Variants in VWC2 observed in about 807,000 individuals in gnomAD.
The protein encoded by VWC2 is von Willebrand factor C domain containing 2.
VWC2 carries 14 observed loss-of-function variants against 29.8 expected under a neutral mutation model. The ratio of observed to expected loss-of-function variants is 0.47; its 90% CI spans 0.31 to 0.74. The LOEUF (loss-of-function observed/expected upper bound fraction) is 0.74, where lower values mean the gene tolerates loss of function less well. Among genes scored for constraint, VWC2 ranks in the 30% least tolerant of loss-of-function variants. The probability of loss-of-function intolerance (pLI) is 0.05; values close to 1 mark genes in which losing one functional copy is unlikely to be tolerated. For synonymous variants in VWC2, 213 were observed against 199.0 expected, an observed-to-expected ratio of 1.07 and a Z score of -0.59; for missense variants, 457 against 459.8, an observed-to-expected ratio of 0.99 and a Z score of 0.05.
intron 3 of VWC2, among the ~76,000 whole-genome samples, chr7:49,902,363 A>G (rs1583795580): frequency 6.6e-6 from 1 of 152,220 alleles, no homozygotes; most frequent in East Asian, 1.9e-4. Context: ...CCCATTTAAA[A>G]TCTATTGTAT....
intron 3 of VWC2, among the ~76,000 whole-genome samples, chr7:49,859,658 A>C (rs1231733823): frequency 6.6e-6 from 1 of 152,206 alleles, no homozygotes; most frequent in African/African-American, 2.4e-5. Flanking sequence ...TGTGCTCTCT[A>C]AAGTGCTATA....
chr7:49,799,208 G>A (rs148434555), intron 2 of VWC2, among the ~76,000 whole-genome samples: 1 of 152,352 alleles, frequency 6.6e-6, no homozygotes, highest in African/African-American at 2.4e-5. Flanking sequence ...AGATGGTGAG[G>A]CAAGAAGGTT....
At chr7:49,810,798 G>C (rs1186906392) in intron 3 of VWC2, among the ~76,000 whole-genome samples, 1 of 152,068 alleles carries the variant, frequency 6.6e-6, no homozygotes, top group Non-Finnish European at 1.5e-5. Context: ...AAATGGTGCA[G>C]GGACAATTAT....
intron 3 of VWC2, among the ~76,000 whole-genome samples, chr7:49,822,980 C>T (rs2128709823): frequency 6.6e-6 from 1 of 152,246 alleles, no homozygotes; most frequent in East Asian, 1.9e-4. Context: ...CATGGATAAG[C>T]CCTTGTGTAG....
intron 3 of VWC2, among the ~76,000 whole-genome samples, chr7:49,813,891 A>G (rs373114362): frequency 6.6e-6 from 1 of 152,252 alleles, no homozygotes; most frequent in South Asian, 2.1e-4. Flanking sequence ...AGCATTAGCT[A>G]CAATATTTAG....
chr7:49,888,882 G>A (rs1792012434), intron 3 of VWC2, among the ~76,000 whole-genome samples: 1 of 152,082 alleles, frequency 6.6e-6, no homozygotes, highest in Non-Finnish European at 1.5e-5. Context: ...TCACAGTCTA[G>A]CCTGGGGGAC....
chr7:49,907,548 A>ATT (rs1793172327), intron 3 of VWC2, among the ~76,000 whole-genome samples: 1 of 152,236 alleles, frequency 6.6e-6, no homozygotes. Context: ...AAAGAGATTT[A>ATT]TTCTGAGCCA....
At chr7:49,842,019 AC>A (rs1562726286) in intron 3 of VWC2, among the ~76,000 whole-genome samples, 2 of 152,108 alleles carry the variant, frequency 1.3e-5, no homozygotes, top group Non-Finnish European at 2.9e-5. Context: ...GGTGCTCGCC[AC>A]CACGCCCAGC....
At chr7:49,804,884 T>A (rs1219138471) in intron 3 of VWC2, among the ~76,000 whole-genome samples, 1 of 152,236 alleles carries the variant, frequency 6.6e-6, no homozygotes, top group Admixed American at 6.5e-5. Context: ...ACAAATTCTA[T>A]TGAGACTACC....
chr7:49,871,011 A>C (rs1379703083), intron 3 of VWC2, among the ~76,000 whole-genome samples: 2 of 152,252 alleles, frequency 1.3e-5, no homozygotes, highest in Non-Finnish European at 2.9e-5. Flanking sequence ...ATGCTAAAAA[A>C]TGCAAAACCA....
intron 3 of VWC2, among the ~76,000 whole-genome samples, chr7:49,835,705 G>A (rs1214592547): frequency 3.3e-5 from 5 of 152,162 alleles, no homozygotes; most frequent in South Asian, 2.1e-4. Flanking sequence ...TTTGTGTTGC[G>A]TCCACGTGCA....
intron 3 of VWC2, among the ~76,000 whole-genome samples, chr7:49,818,975 T>A (rs1789209073): frequency 6.6e-6 from 1 of 152,064 alleles, no homozygotes. Flanking sequence ...ATGTGATTAA[T>A]GTTTACGAAA....
At chr7:49,808,877 A>T (rs1235164691) in intron 3 of VWC2, among the ~76,000 whole-genome samples, 2 of 152,034 alleles carry the variant, frequency 1.3e-5, no homozygotes, top group African/African-American at 4.8e-5. Flanking sequence ...GGATGATGCT[A>T]AAGCAGTATT....
intron 2 of VWC2, among the ~76,000 whole-genome samples, chr7:49,777,998 G>A (rs1261994549): frequency 2.0e-5 from 3 of 150,632 alleles, no homozygotes; most frequent in Non-Finnish European, 2.9e-5. Context: ...GTAATTTTCT[G>A]GAATTGTCCT....
chr7:49,893,247 G>T (rs1404002091), intron 3 of VWC2, among the ~76,000 whole-genome samples: 2 of 152,116 alleles, frequency 1.3e-5, no homozygotes, highest in Non-Finnish European at 2.9e-5. Flanking sequence ...TTATGCACTA[G>T]GTTCCACGAA....
chr7:49,818,700 T>A, intron 3 of VWC2, among the ~76,000 whole-genome samples: 1 of 151,578 alleles, frequency 6.6e-6, no homozygotes, highest in East Asian at 1.9e-4. Flanking sequence ...GGAAAGGAGA[T>A]TGAAAGTAAA....
chr7:49,795,157 G>A (rs747023637), intron 2 of VWC2, among the ~76,000 whole-genome samples: 1 of 152,162 alleles, frequency 6.6e-6, no homozygotes, highest in Non-Finnish European at 1.5e-5. Context: ...AATTTGTGGG[G>A]CCTGTTCTTA....
At chr7:49,911,948 T>A (rs7792519) in intron 3 of VWC2, 86 bp from the exon 4 acceptor site, 12 of 494,768 alleles carry the variant, frequency 2.4e-5, no homozygotes, top group Non-Finnish European at 3.4e-5. Flanking sequence ...CACACACACA[T>A]ATATATACTG....
At chr7:49,800,842 T>C (rs1012506625) in intron 2 of VWC2, among the ~76,000 whole-genome samples, 27 of 118,374 alleles carry the variant, frequency 2.3e-4, no homozygotes, top group Admixed American at 1.7e-3. Flanking sequence ...CCACTGGTTA[T>C]GGTAGCAAAA....
Sources: gnomAD v4.1 joint callset for allele counts (sites outside exome capture counted in the v4.1 genomes callset) on GRCh38, gnomAD v4.1.1 for gene constraint, MANE v1.5 for transcripts, NCBI Gene and HGNC (gene_info 2026-07-23, HGNC 2026-07-21) for gene names.